LZTS1: variants seen among roughly 807,000 people sequenced by gnomAD.
LZTS1 encodes leucine zipper tumor suppressor 1, also known as leucine zipper putative tumor suppressor 1.
Under a neutral mutation model 45.8 loss-of-function variants are expected in LZTS1, and 31 were observed. That is an observed-to-expected ratio of 0.68 (90% CI 0.51 to 0.91). LZTS1 has a LOEUF of 0.91. Among genes scored for constraint, LZTS1 ranks in the 40% least tolerant of loss-of-function variants. The pLI, the probability that LZTS1 is intolerant of heterozygous loss-of-function variation, is 0.00. For missense variants in LZTS1, 821 were observed against 788.9 expected, an observed-to-expected ratio of 1.04 and a Z score of -0.49; for synonymous variants, 359 against 357.3, an observed-to-expected ratio of 1.00 and a Z score of -0.05.
intron 1 of LZTS1, among the ~76,000 whole-genome samples, chr8:20,293,315 G>A (rs532166297): frequency 2.6e-5 from 4 of 152,082 alleles, no homozygotes; most frequent in East Asian, 1.9e-4. Context: ...GTGTGCAAGC[G>A]CCTCCTCAAT....
intron 1 of LZTS1, among the ~76,000 whole-genome samples, chr8:20,303,167 G>C (rs918052525): frequency 6.6e-6 from 1 of 152,100 alleles, no homozygotes; most frequent in Non-Finnish European, 1.5e-5. Context: ...TAGACACTTC[G>C]ATTTACCACC....
At chr8:20,254,404 C>G (rs1800032898) in intron 2 of LZTS1, among the ~76,000 whole-genome samples, 2 of 152,194 alleles carry the variant, frequency 1.3e-5, no homozygotes, top group Non-Finnish European at 2.9e-5. Flanking sequence ...AATGAGAAGA[C>G]CGCACCCACC....
At chr8:20,261,471 G>A (rs1017729605) in intron 1 of LZTS1, among the ~76,000 whole-genome samples, 4 of 152,068 alleles carry the variant, frequency 2.6e-5, no homozygotes, top group Non-Finnish European at 5.9e-5. Flanking sequence ...GGAGGGGCCC[G>A]GGATATTGCA....
Position 20,303,918 on chromosome 8 carries a change from G to A in LZTS1, c.-313C>T. The A allele has an allele frequency of 1.0e-6, 1 of 983,880 alleles. No individual in the cohort carries two copies. The highest frequency in any genetic ancestry group is 1.2e-6 in the Non-Finnish European group (1 of 829,334). The allele number at this position is 983,880 out of a possible 1,614,324, so 60.9% of individuals were successfully genotyped here. On this transcript the variant is annotated 5_prime_UTR_variant, in exon 1 of 4. Transcript: ENST00000381569. ...GGGCAGAGAAACTTTCGGCCTCCCC[G>A]CCCGGCCGCTGCCAACCCGCCAGCT...
At chr8:20,299,129 G>A (rs1362134480) in intron 1 of LZTS1, among the ~76,000 whole-genome samples, 2 of 152,140 alleles carry the variant, frequency 1.3e-5, no homozygotes, top group Non-Finnish European at 2.9e-5. Context: ...ACCTCTGTTT[G>A]GTCTGGGTGG....
rs115121093 is a variant in LZTS1 at position 20,281,967 on chromosome 8, G to T, written c.-135+21773C>A. ...AGTTGATTCTGCTACCAGCCCCCCAGAGTATAGCCCCTGGCCACCCCCTGA... is the reference window on the plus strand; with the variant it reads ...AGTTGATTCTGCTACCAGCCCCCCATAGTATAGCCCCTGGCCACCCCCTGA... On this transcript the variant is annotated intron_variant, in intron 1 of 3. Coordinates refer to ENST00000381569, the MANE Select transcript of LZTS1 (RefSeq NM_021020.5). Among the ~76,000 whole-genome samples, 1,139 of 152,234 alleles carry T rather than the reference G, an allele frequency of 7.5e-3. 18 individuals carry two copies. Among genetic ancestry groups the T allele is most frequent in the African/African-American group, 0.023 (948 of 41,530 alleles).
At chr8:20,273,474 T>C (rs1471573519) in intron 1 of LZTS1, among the ~76,000 whole-genome samples, 4 of 152,200 alleles carry the variant, frequency 2.6e-5, no homozygotes, top group Non-Finnish European at 5.9e-5. Context: ...ACATCCACAG[T>C]GGAATTCTTC....
At chr8:20,280,658 G>T (rs2128897248) in intron 1 of LZTS1, among the ~76,000 whole-genome samples, 1 of 152,308 alleles carries the variant, frequency 6.6e-6, no homozygotes, top group African/African-American at 2.4e-5. Flanking sequence ...AGTGCCAGGA[G>T]AATTGGTGGG....
intron 1 of LZTS1, among the ~76,000 whole-genome samples, chr8:20,300,954 T>C (rs546216012): frequency 6.6e-6 from 1 of 151,982 alleles, no homozygotes; most frequent in East Asian, 1.9e-4. Flanking sequence ...ACCCCATCTC[T>C]ACTAAAAATA....
intron 1 of LZTS1, chr8:20,290,356 T>C (rs1480959934): frequency 2.0e-5 from 3 of 152,098 alleles, no homozygotes; most frequent in African/African-American, 7.2e-5. Context: ...GCCACACCAT[T>C]AACAGGGAAA....
At chr8:20,278,001 G>C (rs1800617712) in intron 1 of LZTS1, among the ~76,000 whole-genome samples, 1 of 152,194 alleles carries the variant, frequency 6.6e-6, no homozygotes, top group African/African-American at 2.4e-5. Flanking sequence ...GCACATAGTT[G>C]TGTTACAGTA....
intron 1 of LZTS1, among the ~76,000 whole-genome samples, chr8:20,275,359 C>G (rs1800558645): frequency 7.4e-6 from 1 of 134,296 alleles, no homozygotes; most frequent in Admixed American, 7.5e-5. Flanking sequence ...CCGAGATGAT[C>G]GCGCCACTGC....
At chr8:20,294,659 C>G in intron 1 of LZTS1, among the ~76,000 whole-genome samples, 1 of 152,166 alleles carries the variant, frequency 6.6e-6, no homozygotes, top group East Asian at 1.9e-4. Flanking sequence ...TCCCTCCCTC[C>G]TCCCCTTGCA....
intron 1 of LZTS1, chr8:20,290,389 A>G (rs1237466788): frequency 6.6e-6 from 1 of 152,262 alleles, no homozygotes; most frequent in Non-Finnish European, 1.5e-5. Flanking sequence ...TTAAAGAAAG[A>G]AAAAGACAAA....
chr8:20,293,027 T>A (rs1020096425), intron 1 of LZTS1, among the ~76,000 whole-genome samples: 2 of 152,118 alleles, frequency 1.3e-5, no homozygotes, highest in African/African-American at 4.8e-5. Context: ...GGAACTTCCC[T>A]CTCTTTGAAG....
chr8:20,291,167 T>C (rs984486841), intron 1 of LZTS1, among the ~76,000 whole-genome samples: 37 of 152,234 alleles, frequency 2.4e-4, no homozygotes, highest in African/African-American at 8.4e-4. Flanking sequence ...ATTGACCACA[T>C]AGATGGAGAT....
intron 1 of LZTS1, among the ~76,000 whole-genome samples, chr8:20,268,339 T>G (rs1800403968): frequency 6.6e-6 from 1 of 151,658 alleles, no homozygotes; most frequent in African/African-American, 2.4e-5. Context: ...AGCAGAGGTC[T>G]CTCTGGGGCT....
At chr8:20,258,195 A>T (rs1800150262) in intron 1 of LZTS1, among the ~76,000 whole-genome samples, 1 of 152,180 alleles carries the variant, frequency 6.6e-6, no homozygotes, top group African/African-American at 2.4e-5. Context: ...ATATCCAATT[A>T]AGAAGGGGAA....
chr8:20,303,921 C>G lies in LZTS1; in HGVS notation c.-316G>C, dbSNP rs1337816210. 4 of 983,786 alleles carry G rather than the reference C, an allele frequency of 4.1e-6. No individual in the cohort carries two copies. The highest frequency in any genetic ancestry group is 2.3e-4 in the East Asian group (2 of 8,808). The allele number at this position is 983,786 out of a possible 1,614,324, so 60.9% of individuals were successfully genotyped here. ...CAGAGAAACTTTCGGCCTCCCCGCCCGGCCGCTGCCAACCCGCCAGCTCCA... is the reference window on the plus strand; with the variant it reads ...CAGAGAAACTTTCGGCCTCCCCGCCGGGCCGCTGCCAACCCGCCAGCTCCA... On this transcript the variant is annotated 5_prime_UTR_variant, in exon 1 of 4. Transcript: ENST00000381569.
Sources: allele counts gnomAD v4.1 joint callset (sites outside exome capture counted in the v4.1 genomes callset), GRCh38; gene constraint gnomAD v4.1.1; transcripts MANE v1.5; gene names NCBI Gene and HGNC (gene_info 2026-07-23, HGNC 2026-07-21).